The following GABRA5 variants were observed in gnomAD, a reference collection of about 807,000 sequenced individuals.
GABRA5 encodes the protein gamma-aminobutyric acid type A receptor subunit alpha5.
In GABRA5, 18 loss-of-function variants were observed where a neutral mutation model predicts 47.3. The observed-to-expected ratio is 0.38, with a 90% CI of 0.26 to 0.56. GABRA5 has a LOEUF of 0.56. Among genes scored for constraint, GABRA5 ranks in the 20% least tolerant of loss-of-function variants. GABRA5 has a pLI of 0.71. For missense variants in GABRA5, 365 were observed against 599.3 expected, an observed-to-expected ratio of 0.61 and a Z score of 4.08; for synonymous variants, 237 against 229.3, an observed-to-expected ratio of 1.03 and a Z score of -0.30.
At position 26,939,405 on chromosome 15, in the gene GABRA5, G is replaced by A. The variant is rs149476177; in HGVS notation, c.725-520G>A. 1.3e-3 allele frequency: 986 copies of A among 765,236 alleles called. 5 individuals are homozygous for A. Among genetic ancestry groups the A allele is most frequent in the Middle Eastern group, 2.5e-3 (11 of 4,440 alleles). 47.4% of individuals were successfully genotyped at this position (765,236 alleles called of 1,614,324 possible). On this transcript the variant is annotated intron_variant, in intron 8 of 10. Coordinates refer to ENST00000335625, the MANE Select transcript of GABRA5 (RefSeq NM_000810.4). ...TGGTAGGTGGCAGAAGGGTTGAGCTGCCAGGACCCAGAGCCTCCTGAGCTG... is the reference window on the plus strand; with the variant it reads ...TGGTAGGTGGCAGAAGGGTTGAGCTACCAGGACCCAGAGCCTCCTGAGCTG...
chr15:26,905,796 AGTT>A (rs943782223), intron 6 of GABRA5, among the ~76,000 whole-genome samples: 20 of 151,104 alleles, frequency 1.3e-4, no homozygotes, highest in African/African-American at 4.6e-4. Flanking sequence ...TCTTTACTTC[AGTT>A]GTTGTTTTTT....
At chr15:26,944,932 T>G (rs1445641137) in intron 10 of GABRA5, among the ~76,000 whole-genome samples, 1 of 152,122 alleles carries the variant, frequency 6.6e-6, no homozygotes. Context: ...AGCACACCTG[T>G]GGCTGGGTGT....
intron 6 of GABRA5, among the ~76,000 whole-genome samples, chr15:26,891,574 A>C (rs540868867): frequency 1.4e-3 from 212 of 152,284 alleles, no homozygotes; most frequent in African/African-American, 5.0e-3. Flanking sequence ...GGGAAGACTG[A>C]CAGGAGGGCA....
At chr15:26,895,739 G>A (rs903978188) in intron 6 of GABRA5, among the ~76,000 whole-genome samples, 24 of 151,140 alleles carry the variant, frequency 1.6e-4, no homozygotes, top group East Asian at 1.9e-4. Context: ...CTTGAACCCG[G>A]GAGGCGGAGG....
chr15:26,879,482 C>T (rs1892675791), intron 3 of GABRA5, among the ~76,000 whole-genome samples: 1 of 152,182 alleles, frequency 6.6e-6, no homozygotes, highest in African/African-American at 2.4e-5. Flanking sequence ...AAAAAGTATA[C>T]ATCTGTGGGC....
chr15:26,869,491 G>C (rs1892410117), intron 3 of GABRA5, among the ~76,000 whole-genome samples, 157 bp downstream of exon 3: 1 of 152,152 alleles, frequency 6.6e-6, no homozygotes, highest in South Asian at 2.1e-4. Context: ...TCATTGCCCT[G>C]ACCCACGCTT....
intron 6 of GABRA5, among the ~76,000 whole-genome samples, chr15:26,888,614 G>A (rs1015641834): frequency 1.3e-5 from 2 of 152,180 alleles, no homozygotes; most frequent in Admixed American, 6.5e-5. Flanking sequence ...GTCCCCTCCA[G>A]ATAAGTGCCT....
At chr15:26,945,465 T>C (rs1894488477) in intron 10 of GABRA5, among the ~76,000 whole-genome samples, 1 of 152,170 alleles carries the variant, frequency 6.6e-6, no homozygotes, top group Non-Finnish European at 1.5e-5. Flanking sequence ...CAGGAGGCAG[T>C]GAGATTCAGA....
chr15:26,946,433 GTT>G (rs56708714), intron 10 of GABRA5, among the ~76,000 whole-genome samples: 6,176 of 144,862 alleles, frequency 0.043, 350 homozygotes, highest in East Asian at 0.28. Flanking sequence ...CAATTTATCT[GTT>G]TTTTTTTTTT....
In GABRA5 at chr15:26,880,859, C is replaced by G. The variant is rs1258594122; in HGVS notation, c.100C>G (p.Pro34Ala). 9.3e-6 allele frequency: 15 copies of G among 1,613,506 alleles called. No homozygotes were observed. Among genetic ancestry groups the G allele is most frequent in the Middle Eastern group, 1.6e-4 (1 of 6,082 alleles). ...LSSHFGFSQM[P>A]TSSVKDETND... ...TCTTTTTAAAAGCTTTTCACAGATG[C>G]CAACCAGTTCAGTGAAAGATGAGAC... Residue 34 changes from proline to alanine, a missense_variant, in exon 4 of 11, where the codon CCA becomes GCA. Physicochemically the swap from Pro to Ala is conservative, Grantham distance 27. Transcript: ENST00000335625.
intron 3 of GABRA5, among the ~76,000 whole-genome samples, chr15:26,878,468 A>G (rs749048970): frequency 1.1e-4 from 16 of 152,086 alleles, no homozygotes; most frequent in African/African-American, 3.1e-4. Context: ...AGGATGGCCT[A>G]TGGACAGAGG....
chr15:26,911,028 G>T (rs550382232), intron 6 of GABRA5, among the ~76,000 whole-genome samples: 2 of 152,114 alleles, frequency 1.3e-5, no homozygotes, highest in Non-Finnish European at 2.9e-5. Flanking sequence ...GGCCATTTTT[G>T]AAATGTTTAG....
At chr15:26,919,809 A>G (rs1893801123) in intron 7 of GABRA5, among the ~76,000 whole-genome samples, 1 of 152,048 alleles carries the variant, frequency 6.6e-6, no homozygotes, top group Admixed American at 6.6e-5. Flanking sequence ...AGTCAGGTCT[A>G]GTGGTTTTGT....
intron 6 of GABRA5, among the ~76,000 whole-genome samples, chr15:26,893,368 C>T (rs1252547375): frequency 0.11 from 165 of 1,452 alleles, no homozygotes; most frequent in Middle Eastern, 0.14. Flanking sequence ...TGGTGTGTAG[C>T]GTGTGGCGGG....
chr15:26,892,741 A>G (rs912293404), intron 6 of GABRA5, among the ~76,000 whole-genome samples: 4 of 152,228 alleles, frequency 2.6e-5, no homozygotes, highest in Non-Finnish European at 5.9e-5. Flanking sequence ...ACTTTCCGTT[A>G]GCATTCACAT....
intron 6 of GABRA5, among the ~76,000 whole-genome samples, chr15:26,910,468 C>T (rs892217717): frequency 2.0e-5 from 3 of 151,850 alleles, no homozygotes; most frequent in Non-Finnish European, 2.9e-5. Flanking sequence ...GGCGTGATTG[C>T]GGACACCTGT....
rs546557680 is a variant in GABRA5 at position 26,893,084 on chromosome 15, G to A, written c.497+9527G>A. 4.2e-4 allele frequency among the ~76,000 whole-genome samples: 63 copies of A among 150,602 alleles called. 1 individual carries two copies. Among genetic ancestry groups the A allele is most frequent in the Admixed American group, 4.0e-3 (60 of 15,124 alleles). ...TGTGTACGCTGTGTGGCGTGTTTGGGGGTGTATGGTGTGTGGCATGTGTGT... is the reference window on the plus strand; with the variant it reads ...TGTGTACGCTGTGTGGCGTGTTTGGAGGTGTATGGTGTGTGGCATGTGTGT... On this transcript the variant is annotated intron_variant, in intron 6 of 10. Coordinates refer to ENST00000335625, the MANE Select transcript of GABRA5 (RefSeq NM_000810.4).
chr15:26,941,101 G>A (rs547030378), intron 9 of GABRA5, among the ~76,000 whole-genome samples: 14 of 152,316 alleles, frequency 9.2e-5, no homozygotes, highest in South Asian at 4.1e-4. Flanking sequence ...GGGTGCTCCC[G>A]TCTGATCATC....
chr15:26,880,075 C>T (rs1892690139), intron 3 of GABRA5, among the ~76,000 whole-genome samples: 1 of 152,212 alleles, frequency 6.6e-6, no homozygotes, highest in African/African-American at 2.4e-5. Context: ...ATACCATCCT[C>T]AGTTTGTCTA....
Sources: allele counts gnomAD v4.1 joint callset (sites outside exome capture counted in the v4.1 genomes callset), GRCh38; gene constraint gnomAD v4.1.1; transcripts MANE v1.5; gene names NCBI Gene and HGNC (gene_info 2026-07-23, HGNC 2026-07-21).